NOTCH2NLC: variants seen among roughly 807,000 people sequenced by gnomAD.
The protein encoded by NOTCH2NLC is notch 2 N-terminal like C, also known as notch homolog 2 N-terminal-like protein C.
A neutral mutation model predicts 17.7 loss-of-function variants in NOTCH2NLC; 4 were observed. That is an observed-to-expected ratio of 0.23 (90% confidence interval 0.11 to 0.52). The LOEUF is 0.52. NOTCH2NLC is among the 20% of genes least tolerant of loss of function. NOTCH2NLC has a pLI of 0.96. For synonymous variants in NOTCH2NLC, 18 were observed against 86.0 expected (o/e 0.21, Z 4.38); for missense variants, 57 against 207.2 (o/e 0.28, Z 4.45).
chr1:149,445,820 A>T (rs2084548654), intron 2 of NOTCH2NLC, among the ~76,000 whole-genome samples: 1 of 144,378 alleles, frequency 6.9e-6, no homozygotes, highest in African/African-American at 2.6e-5. Flanking sequence ...TTTGTAAAGC[A>T]TGCCTCTCTT....
In NOTCH2NLC at chr1:149,435,959, G is replaced by A. The variant is rs1454372347; in HGVS notation, c.209+4944G>A. 1.3e-5 allele frequency among the ~76,000 whole-genome samples: 2 copies of A among 149,264 alleles called. 1 individual carries two copies. On this transcript the variant is annotated intron_variant, in intron 2 of 4. Coordinates refer to ENST00000650865, the MANE Select transcript of NOTCH2NLC (RefSeq NM_001364013.2). ...TCATATAGTTTGCTTTGCTTTTTCT[G>A]AGGCTTATATCCCTTCTAGTTTATG...
At chr1:149,461,677 G>T (rs2084650747) in intron 3 of NOTCH2NLC, among the ~76,000 whole-genome samples, 1 of 151,328 alleles carries the variant, frequency 6.6e-6, no homozygotes, top group South Asian at 2.1e-4. Flanking sequence ...AAAGACACAT[G>T]CACACGTATG....
At chr1:149,461,132 A>C (rs1268175465) in intron 3 of NOTCH2NLC, among the ~76,000 whole-genome samples, 21 of 150,194 alleles carry the variant, frequency 1.4e-4, no homozygotes, top group African/African-American at 4.9e-4. Context: ...ATGGCGTTTC[A>C]CCATGTTGGC....
intron 2 of NOTCH2NLC, among the ~76,000 whole-genome samples, chr1:149,445,771 GTA>G (rs2084548268): frequency 1.3e-5 from 2 of 149,872 alleles, no homozygotes; most frequent in South Asian, 4.2e-4. Context: ...TCCACATTCT[GTA>G]TAGTTTTTTT....
intron 2 of NOTCH2NLC, among the ~76,000 whole-genome samples, chr1:149,451,558 TAGTTTCACGTAA>T (rs1421088028): frequency 1.3e-5 from 2 of 150,810 alleles, no homozygotes; most frequent in Non-Finnish European, 3.0e-5. Flanking sequence ...ACAGTAGGTC[TAGTTTCACGTAA>T]AGCAAATATG....
intron 2 of NOTCH2NLC, among the ~76,000 whole-genome samples, chr1:149,440,919 T>C (rs2084515090): frequency 6.8e-6 from 1 of 146,376 alleles, no homozygotes; most frequent in South Asian, 2.2e-4. Flanking sequence ...GGAGGTAGAA[T>C]GCCTAGAGTG....
Position 149,466,258 on chromosome 1 carries a change from G to T in NOTCH2NLC, c.*2105G>T, listed in dbSNP as rs1437999473. The stretch of plus-strand genomic sequence containing the variant: ...GTTACATATCAATATGTGTGTGTGT[G>T]TGTGTGTGTGTGTGTGTGGTATATA... On this transcript the variant is annotated 3_prime_UTR_variant, in exon 5 of 5. Transcript: ENST00000650865. 6.8e-6 allele frequency: 1 copy of T among 147,896 alleles called. No homozygotes were observed. The highest frequency in any genetic ancestry group is 1.5e-5 in the Non-Finnish European group (1 of 66,496). The allele number at this position is 147,896 out of a possible 1,614,324, so 9.2% of individuals were successfully genotyped here.
intron 1 of NOTCH2NLC, among the ~76,000 whole-genome samples, chr1:149,395,222 AC>A (rs1320469709): frequency 1.5e-5 from 2 of 135,196 alleles, no homozygotes; most frequent in Admixed American, 1.5e-4. Flanking sequence ...CCCATACCCT[AC>A]CCCTGTACCT....
At chr1:149,413,560 C>T (rs1304266565) in intron 1 of NOTCH2NLC, among the ~76,000 whole-genome samples, 14 of 151,176 alleles carry the variant, frequency 9.3e-5, no homozygotes, top group East Asian at 5.9e-4. Context: ...TTTGATACAG[C>T]GGCCATGCCT....
intron 3 of NOTCH2NLC, among the ~76,000 whole-genome samples, chr1:149,460,854 C>T (rs1366785308): frequency 1.1e-4 from 13 of 113,886 alleles, no homozygotes; most frequent in Admixed American, 1.8e-4. Flanking sequence ...TTTCTTTCTC[C>T]CTTTCTTTCT....
In NOTCH2NLC at chr1:149,419,840, A is replaced by AATATAT. The variant is rs1247876476; in HGVS notation, c.136-11091_136-11086dup. Among the ~76,000 whole-genome samples, 154 of 113,440 alleles carry AATATAT rather than the reference A, an allele frequency of 1.4e-3. 1 individual carries two copies. Among genetic ancestry groups the AATATAT allele is most frequent in the East Asian group, 6.6e-3 (22 of 3,350 alleles). The allele number at this position is 113,440 out of a possible 152,430, so 74.4% of individuals were successfully genotyped here. A position where few individuals can be genotyped will look rare whatever the true frequency, so the allele number is the denominator to read the frequency against. Reference sequence around the variant, plus strand: ...AAATAAATAAAAATTGAAGTTCAGGAATATATATATATATATTTTTTTTTT... The same window carrying AATATAT: ...AAATAAATAAAAATTGAAGTTCAGGAATATATATATATATATATATATTTTTTTTTT... On this transcript the variant is annotated intron_variant, in intron 1 of 4. Transcript: ENST00000650865.
Position 149,465,007 on chromosome 1 carries a change from A to G in NOTCH2NLC, c.*854A>G, listed in dbSNP as rs1473579070. On this transcript the variant is annotated 3_prime_UTR_variant, in exon 5 of 5. Coordinates refer to ENST00000650865, the MANE Select transcript of NOTCH2NLC (RefSeq NM_001364013.2). ...GGTAAAAATGTATTGACTGCCTGCT[A>G]TGTTCTAGGCACCATGCTGTGTATT... The G allele has an allele frequency of 6.8e-6, 1 of 147,490 alleles. No individual in the cohort carries two copies. Among genetic ancestry groups the G allele is most frequent in the African/African-American group, 2.5e-5 (1 of 40,122 alleles). 9.1% of individuals were successfully genotyped at this position (147,490 alleles called of 1,614,324 possible).
chr1:149,398,683 C>G (rs1416622994), intron 1 of NOTCH2NLC, among the ~76,000 whole-genome samples: 1 of 151,098 alleles, frequency 6.6e-6, no homozygotes, highest in East Asian at 2.0e-4. Flanking sequence ...CAGCCAGCTA[C>G]GTCGCTCCAG....
intron 2 of NOTCH2NLC, 108 bp downstream of exon 2, chr1:149,431,123 C>T: frequency 7.3e-6 from 1 of 137,022 alleles, no homozygotes; most frequent in South Asian, 3.8e-5. Context: ...GGTTCTTGAG[C>T]TTTCCTGGTA....
intron 2 of NOTCH2NLC, among the ~76,000 whole-genome samples, chr1:149,449,071 C>G (rs1275061318): frequency 1.3e-5 from 2 of 148,590 alleles, no homozygotes; most frequent in Non-Finnish European, 3.0e-5. Flanking sequence ...TTAGTAGAGA[C>G]AGGGTTTCAC....
rs879079105 is a variant in NOTCH2NLC, at chr1:149,457,656, G to A, written c.469+2079G>A. On this transcript the variant is annotated intron_variant, in intron 3 of 4. Coordinates refer to ENST00000650865, the MANE Select transcript of NOTCH2NLC (RefSeq NM_001364013.2). ...AGAGCCAGTCTTGAGTTCCAAAACCGAAGAACTTGGGGTTCGATATTTGAG... is the reference window on the plus strand; with the variant it reads ...AGAGCCAGTCTTGAGTTCCAAAACCAAAGAACTTGGGGTTCGATATTTGAG... Among the ~76,000 whole-genome samples the A allele has an allele frequency of 6.7e-5, 10 of 149,848 alleles. 1 individual carries two copies. Among genetic ancestry groups the A allele is most frequent in the Non-Finnish European group, 1.2e-4 (8 of 67,170 alleles).
At chr1:149,460,094 TTGA>T (rs2084633217) in intron 3 of NOTCH2NLC, among the ~76,000 whole-genome samples, 1 of 131,602 alleles carries the variant, frequency 7.6e-6, no homozygotes, top group Non-Finnish European at 1.6e-5. Flanking sequence ...GATGATGGTA[TTGA>T]TGATGTAAGT....
At chr1:149,425,262 AG>A (rs2084406520) in intron 1 of NOTCH2NLC, among the ~76,000 whole-genome samples, 1 of 149,990 alleles carries the variant, frequency 6.7e-6, no homozygotes, top group Admixed American at 6.7e-5. Flanking sequence ...TTACAAGGAT[AG>A]GGGGTGGTGG....
At chr1:149,396,858 AT>A (rs1157117854) in intron 1 of NOTCH2NLC, among the ~76,000 whole-genome samples, 1 of 100,592 alleles carries the variant, frequency 9.9e-6, no homozygotes, top group Non-Finnish European at 2.0e-5. Context: ...TGCAGAGTGA[AT>A]CTGGGAAATC....
Sources: gnomAD v4.1 joint callset for allele counts (sites outside exome capture counted in the v4.1 genomes callset) on GRCh38, gnomAD v4.1.1 for gene constraint, MANE v1.5 for transcripts, NCBI Gene and HGNC (gene_info 2026-07-23, HGNC 2026-07-21) for gene names.